Variants in ENO4 observed in about 807,000 individuals in gnomAD.
The protein encoded by ENO4 is 2-phospho-D-glycerate hydro-lyase.
A neutral mutation model predicts 63.2 loss-of-function variants in ENO4; 53 were observed. That is an observed-to-expected ratio of 0.84 (90% confidence interval 0.67 to 1.05). The LOEUF (loss-of-function observed/expected upper bound fraction) is 1.05, where lower values mean the gene tolerates loss of function less well. ENO4 is among the 50% of genes least tolerant of loss of function. The pLI is 0.00. For synonymous variants in ENO4, 266 were observed against 283.8 expected (o/e 0.94, Z 0.63); for missense variants, 719 against 772.0 (o/e 0.93, Z 0.81).
chr10:116,901,200 T>C (rs904749975), intron 10 of ENO4: 32 of 985,262 alleles, frequency 3.2e-5, no homozygotes, highest in Non-Finnish European at 3.7e-5. Flanking sequence ...GATCCTCCAC[T>C]AGATCTGTCT....
At chr10:116,886,881 CTG>C (rs1847181347), downstream of ENO4, among the ~76,000 whole-genome samples, 1 of 152,228 alleles carries the variant, frequency 6.6e-6, no homozygotes, top group Admixed American at 6.5e-5. Flanking sequence ...CATGGACAAA[CTG>C]TGAACTTCTC....
At chr10:116,909,580 C>T (rs772724759) in intron 10 of ENO4, among the ~76,000 whole-genome samples, 6 of 152,120 alleles carry the variant, frequency 3.9e-5, no homozygotes, top group South Asian at 2.1e-4. Context: ...ATGGACTATA[C>T]ATATTTTTAT....
chr10:116,871,407 T>A (rs1354882090), intron 9 of ENO4, 115 bp downstream of exon 9: 3 of 979,122 alleles, frequency 3.1e-6, no homozygotes, highest in East Asian at 2.7e-5. Flanking sequence ...ATTGTTTTTT[T>A]ATTAATATTG....
rs186267232 is a variant in ENO4 at position 116,901,857 on chromosome 10, C to T, written c.1195-9642C>T. Reference sequence around the variant, plus strand: ...GGGGGGACGGGCTGTTGAATTCTGCCTCCAGAGTTTTCTTGTTCAAGGCTG... The same window carrying T: ...GGGGGGACGGGCTGTTGAATTCTGCTTCCAGAGTTTTCTTGTTCAAGGCTG... On this transcript the variant is annotated intron_variant, in intron 10 of 10. Coordinates refer to the ENO4 transcript ENST00000369207. 8.1e-6 allele frequency: 13 copies of T among 1,606,724 alleles called. No individual in the cohort carries two copies. In the African/African-American group the frequency reaches 1.5e-4, roughly 18 times the overall value.
At chr10:116,875,592 CATGT>C (rs966886171) in intron 10 of ENO4, among the ~76,000 whole-genome samples, 6 of 152,036 alleles carry the variant, frequency 3.9e-5, no homozygotes, top group African/African-American at 4.8e-5. Flanking sequence ...CACACATGCA[CATGT>C]ATGTGTATAA....
chr10:116,879,796 T>C, intron 12 of ENO4, 73 bp from the exon 13 acceptor site: 1 of 1,165,740 alleles, frequency 8.6e-7, no homozygotes, highest in African/African-American at 1.5e-5. Flanking sequence ...GTTTCCTTTG[T>C]CTTTAAAGAA....
At chr10:116,901,277 AG>A (rs1847724445) in intron 10 of ENO4, 1 of 985,272 alleles carries the variant, frequency 1.0e-6, no homozygotes, top group Admixed American at 6.1e-5. Context: ...AAGTCTATAC[AG>A]ATAACTCTTT....
Position 116,893,576 on chromosome 10 carries a change from G to GCGCACACACACACACACACA in ENO4, c.1194+13591_1194+13592insGCACACACACACACACACAC, listed in dbSNP as rs1554905664. ...CCCCCTCCCTGATAGGCACTCATGT[G>GCGCACACACACACACACACA]CACACACACACACACACACACGAGA... On this transcript the variant is annotated intron_variant, in intron 10 of 10. Transcript: ENST00000369207. 4.8e-3 allele frequency among the ~76,000 whole-genome samples: 599 copies of GCGCACACACACACACACACA among 123,592 alleles called. 17 individuals carry two copies. The East Asian group carries it at 0.091, about 19-fold the overall frequency. The allele number at this position is 123,592 out of a possible 152,430, so 81.1% of individuals were successfully genotyped here. A position where few individuals can be genotyped will look rare whatever the true frequency, so the allele number is the denominator to read the frequency against.
chr10:116,870,697 G>A (rs750083753), intron 8 of ENO4, among the ~76,000 whole-genome samples: 6 of 152,184 alleles, frequency 3.9e-5, no homozygotes, highest in South Asian at 2.1e-4. Flanking sequence ...TAATGGCTGC[G>A]TTTATCTAGA....
At chr10:116,859,163 A>G (rs776135530) in intron 4 of ENO4, 25 bp downstream of exon 4, 1 of 1,507,038 alleles carries the variant, frequency 6.6e-7, no homozygotes, top group Non-Finnish European at 8.8e-7. Flanking sequence ...TATCTTGCAG[A>G]GTCGTTAGTA....
intron 10 of ENO4, chr10:116,900,359 T>G: frequency 1.6e-6 from 1 of 612,828 alleles, no homozygotes; most frequent in Non-Finnish European, 2.9e-6. Context: ...CTTTATGGCA[T>G]CTAACAACTG....
At position 116,876,080 on chromosome 10, in the gene ENO4, G is replaced by A; in HGVS notation, c.1357G>A (p.Asp453Asn). 1 of 1,546,774 alleles carries A rather than the reference G, an allele frequency of 6.5e-7. No homozygotes were observed. Among genetic ancestry groups the A allele is most frequent in the Admixed American group, 2.0e-5 (1 of 50,330 alleles). ...PFRKEDSEQW[D>N]SIYHALGSRC... ...ATTTACCCAGGACTCTGAACAGTGGGACAGCATCTATCACGCACTTGGTTC... is the reference window on the plus strand; with the variant it reads ...ATTTACCCAGGACTCTGAACAGTGGAACAGCATCTATCACGCACTTGGTTC... Residue 453 changes from aspartate (D) to asparagine (N), a missense_variant, in exon 11 of 14, where the codon GAC becomes AAC. Around this residue, in one of 3 missense-constraint regions of ENO4, gnomAD observed 544 missense variants for 583.6 expected, o/e 0.93. Transcript: ENST00000341276.
intron 10 of ENO4, chr10:116,902,029 A>G: frequency 7.5e-7 from 1 of 1,332,220 alleles, no homozygotes; most frequent in Non-Finnish European, 1.0e-6. Flanking sequence ...TGAAAAACAG[A>G]TTAGCTGAAA....
chr10:116,910,003 A>C (rs991294292), intron 10 of ENO4, among the ~76,000 whole-genome samples: 1 of 152,142 alleles, frequency 6.6e-6, no homozygotes, highest in African/African-American at 2.4e-5. Flanking sequence ...TGTGCTTTAC[A>C]GGGTACTAAC....
At chr10:116,883,987 A>G (rs2133290536), downstream of ENO4, 2 of 226,478 alleles carry the variant, frequency 8.8e-6, no homozygotes, top group South Asian at 9.1e-5. Flanking sequence ...TCTGTTCCTC[A>G]CTCGGGCTAT....
At chr10:116,876,402 T>C in intron 11 of ENO4, 142 bp downstream of exon 11, 1 of 739,594 alleles carries the variant, frequency 1.4e-6, no homozygotes, top group South Asian at 2.1e-5. Context: ...AGAGATTTAG[T>C]GCTGGAACAC....
chr10:116,871,671 G>A (rs1006306157), intron 9 of ENO4, among the ~76,000 whole-genome samples: 8 of 152,118 alleles, frequency 5.3e-5, no homozygotes, highest in African/African-American at 1.2e-4. Flanking sequence ...TGTGATAGGC[G>A]CTTCCAGACA....
intron 3 of ENO4, among the ~76,000 whole-genome samples, chr10:116,857,423 G>A (rs766519982): frequency 1.3e-5 from 2 of 152,186 alleles, no homozygotes; most frequent in East Asian, 1.9e-4. Context: ...ACTCAAACAC[G>A]CTAACAAGGA....
At chr10:116,902,085 C>T (rs1241487162) in intron 10 of ENO4, 1 of 793,242 alleles carries the variant, frequency 1.3e-6, no homozygotes, top group South Asian at 2.0e-5. Context: ...ATTTCAAGAG[C>T]ATGCTGGAAA....
Sources: allele counts gnomAD v4.1 joint callset (sites outside exome capture counted in the v4.1 genomes callset), GRCh38; gene constraint gnomAD v4.1.1; regional missense constraint gnomAD v4.1.1; transcripts MANE v1.5; gene names NCBI Gene and HGNC (gene_info 2026-07-23, HGNC 2026-07-21).